Variants in NCKAP5 observed in about 807,000 individuals in gnomAD.
The protein encoded by NCKAP5 is NCK associated protein 5, also known as nck-associated protein 5.
Under a neutral mutation model 167.0 loss-of-function variants are expected in NCKAP5, and 92 were observed. The ratio of observed to expected loss-of-function variants is 0.55; its 90% CI spans 0.47 to 0.66. The LOEUF (loss-of-function observed/expected upper bound fraction) is 0.66. Ranked by LOEUF, NCKAP5 falls within the 30% of genes least tolerant of loss-of-function variation. The pLI, the probability that NCKAP5 is intolerant of heterozygous loss-of-function variation, is 0.00. For missense variants in NCKAP5, 2,378 were observed against 2,315.0 expected (o/e 1.03, Z -0.56); for synonymous variants, 891 against 877.4 (o/e 1.02, Z -0.27).
intron 17 of NCKAP5, among the ~76,000 whole-genome samples, chr2:132,730,949 T>C (rs1477233951): frequency 2.6e-5 from 4 of 152,202 alleles, no homozygotes; most frequent in Admixed American, 2.6e-4. Flanking sequence ...AAGTCTCCTT[T>C]TCTAATTTCT....
At chr2:132,971,703 T>C (rs1191217193) in intron 7 of NCKAP5, among the ~76,000 whole-genome samples, 1 of 152,220 alleles carries the variant, frequency 6.6e-6, no homozygotes, top group Non-Finnish European at 1.5e-5. Context: ...GATTCTTCAG[T>C]ATGTACTTCC....
chr2:133,129,468 G>A lies in NCKAP5; in HGVS notation c.341+510C>T, dbSNP rs191526545. Reference sequence around the variant, plus strand: ...GCATAGTATTCAATGGTGTATATGTGCCACATTTTCTTAATCCAGTTTATC... The same window carrying A: ...GCATAGTATTCAATGGTGTATATGTACCACATTTTCTTAATCCAGTTTATC... On this transcript the variant is annotated intron_variant, in intron 6 of 19. Transcript: ENST00000409261. 7.7e-3 allele frequency among the ~76,000 whole-genome samples: 1,180 copies of A among 152,280 alleles called. 9 individuals are homozygous for A. Among genetic ancestry groups the A allele is most frequent in the African/African-American group, 0.027 (1,113 of 41,548 alleles).
At chr2:132,920,771 G>GTA (rs55895538) in intron 8 of NCKAP5, among the ~76,000 whole-genome samples, 47 of 31,554 alleles carry the variant, frequency 1.5e-3, no homozygotes, top group Non-Finnish European at 2.0e-3. Flanking sequence ...ATATATGTAT[G>GTA]TATATATATA....
At chr2:133,532,961 G>A (rs1685482342) in intron 2 of NCKAP5, among the ~76,000 whole-genome samples, 9 of 152,152 alleles carry the variant, frequency 5.9e-5, no homozygotes, top group Admixed American at 5.9e-4. Flanking sequence ...AGAGGGAGGT[G>A]GAGCACAATT....
chr2:132,760,609 TC>T (rs1028178907), intron 16 of NCKAP5, among the ~76,000 whole-genome samples: 2 of 151,228 alleles, frequency 1.3e-5, no homozygotes, highest in Non-Finnish European at 3.0e-5. Context: ...AGTCATTTTT[TC>T]CCCCTCATGG....
At chr2:133,464,458 G>C (rs564192051) in intron 3 of NCKAP5, among the ~76,000 whole-genome samples, 1 of 151,920 alleles carries the variant, frequency 6.6e-6, no homozygotes, top group African/African-American at 2.4e-5. Flanking sequence ...TGGGGGCCAA[G>C]GCAGGTGGAT....
At chr2:133,593,932 C>T in the NCKAP5 span, among the ~76,000 whole-genome samples, 1 of 152,218 alleles carries the variant, frequency 6.6e-6, no homozygotes, top group African/African-American at 2.4e-5. Context: ...TCCACAGACC[C>T]TCTAGGCAGG....
intron 7 of NCKAP5, among the ~76,000 whole-genome samples, chr2:132,980,025 T>C (rs1393604650): frequency 6.7e-6 from 1 of 150,242 alleles, no homozygotes; most frequent in Non-Finnish European, 1.5e-5. Context: ...ACAGGGTCTC[T>C]GTCGCCCAGA....
chr2:132,821,132 C>A (rs754462279), intron 11 of NCKAP5, among the ~76,000 whole-genome samples: 3 of 152,042 alleles, frequency 2.0e-5, no homozygotes, highest in Non-Finnish European at 4.4e-5. Context: ...ACCGGAAAAA[C>A]CAAAAGAATT....
rs115972688 is a variant in NCKAP5 at position 133,058,379 on chromosome 2, T to C, written c.342-64140A>G. Among the ~76,000 whole-genome samples, 1,039 of 152,300 alleles carry C rather than the reference T, an allele frequency of 6.8e-3. 11 individuals carry two copies. Among genetic ancestry groups the C allele is most frequent in the African/African-American group, 0.024 (998 of 41,564 alleles). On this transcript the variant is annotated intron_variant, in intron 6 of 19. Transcript: ENST00000409261. Reference sequence around the variant, plus strand: ...TGAGAAAAGTAAATTGAAAACCTTCTGGAAAGGATTACCATTCTTCATGCC... The same window carrying C: ...TGAGAAAAGTAAATTGAAAACCTTCCGGAAAGGATTACCATTCTTCATGCC...
chr2:132,784,262 G>C lies in NCKAP5; in HGVS notation c.2549C>G (p.Thr850Ser). 1.2e-6 allele frequency: 2 copies of C among 1,610,448 alleles called. No homozygotes were observed. The highest frequency in any genetic ancestry group is 2.2e-5 in the South Asian group (2 of 90,478). The change falls in exon 14 of 20, where the codon ACT becomes AGT. Residue 850 changes from threonine to serine, a missense_variant. Coordinates refer to ENST00000409261, the MANE Select transcript of NCKAP5 (RefSeq NM_207363.3). ...APGKLSRFMK[T>S]ESSGPLFELR... ...TTCAAAGAGGGGCCCTGAGCTCTCA[G>C]TCTTCATGAATCGTGAGAGTTTCCC... is the stretch of plus-strand genomic sequence containing the variant.
At position 132,725,696 on chromosome 2, in the gene NCKAP5, C is replaced by G; in HGVS notation, c.5644G>C (p.Asp1882His). ...SGGSNSDSDL[D>H]YGDNGFGAGR... ...GCTCCAAAACCATTATCTCCATAGT[C>G]CAGGTCACTGTCACTATTACTGCCA... Residue 1882 changes from aspartate (D) to histidine (H), a missense_variant, in exon 19 of 20, where the codon GAC becomes CAC. This residue lies in a region of NCKAP5 where 1,325 missense variants were observed against 1,274.5 expected (regional missense o/e 1.04). Transcript: ENST00000409261. 1 of 1,613,532 alleles carries G rather than the reference C, an allele frequency of 6.2e-7. No individual in the cohort carries two copies. The highest frequency in any genetic ancestry group is 8.5e-7 in the Non-Finnish European group (1 of 1,179,748).
intron 6 of NCKAP5, among the ~76,000 whole-genome samples, chr2:133,102,604 A>G (rs2081551962): frequency 1.3e-5 from 2 of 152,128 alleles, no homozygotes; most frequent in South Asian, 4.2e-4. Context: ...TCTCTTAAGG[A>G]TCTTTATTCC....
chr2:133,622,902 T>C, the NCKAP5 span, among the ~76,000 whole-genome samples: 25 of 152,084 alleles, frequency 1.6e-4, no homozygotes, highest in Admixed American at 4.6e-4. Context: ...ACTTCAACTA[T>C]ACTATAAGGC....
intron 3 of NCKAP5, among the ~76,000 whole-genome samples, chr2:133,368,778 C>A (rs1282341807): frequency 6.6e-6 from 1 of 152,176 alleles, no homozygotes; most frequent in Non-Finnish European, 1.5e-5. Context: ...GTAACTGCTG[C>A]AAATCCTTTT....
chr2:133,316,806 C>T (rs1469339088), intron 3 of NCKAP5, among the ~76,000 whole-genome samples: 3 of 152,120 alleles, frequency 2.0e-5, no homozygotes, highest in African/African-American at 7.2e-5. Context: ...AAGTAATGGA[C>T]CAGATCTGAG....
At chr2:132,741,245 C>T (rs1010983545) in intron 16 of NCKAP5, among the ~76,000 whole-genome samples, 2 of 152,024 alleles carry the variant, frequency 1.3e-5, no homozygotes. Flanking sequence ...ATTTTCCAAA[C>T]ACTTCTAGAT....
chr2:133,665,176 TC>T, the NCKAP5 span, among the ~76,000 whole-genome samples: 1 of 152,244 alleles, frequency 6.6e-6, no homozygotes, highest in East Asian at 1.9e-4. Context: ...CTTTTAATTT[TC>T]TTCAAGAACA....
rs61395261 is a variant in NCKAP5, at chr2:133,177,164, C to CTATATATA, written c.207+36544_207+36551dup. On this transcript the variant is annotated intron_variant, in intron 5 of 19. Transcript: ENST00000409261. ...TTAGCGACACAGGAGGTTTTGTTTT[C>CTATATATA]TATATATATATATATATATATATAC... is the stretch of plus-strand genomic sequence containing the variant. Among the ~76,000 whole-genome samples the CTATATATA allele has an allele frequency of 3.2e-3, 441 of 138,610 alleles. 2 individuals carry two copies. The highest frequency in any genetic ancestry group is 0.011 in the African/African-American group (387 of 35,044). The allele number at this position is 138,610 out of a possible 152,430, so 90.9% of individuals were successfully genotyped here.
Sources: allele counts gnomAD v4.1 joint callset (sites outside exome capture counted in the v4.1 genomes callset), GRCh38; gene constraint gnomAD v4.1.1; regional missense constraint gnomAD v4.1.1; transcripts MANE v1.5; gene names NCBI Gene and HGNC (gene_info 2026-07-23, HGNC 2026-07-21).